Variants in SBF2 observed in about 807,000 individuals in gnomAD.
SBF2 encodes SET binding factor 2, also known as myotubularin-related protein 13.
A neutral mutation model predicts 225.2 loss-of-function variants in SBF2; 112 were observed. The observed-to-expected ratio is 0.50, with a 90% CI of 0.43 to 0.58. The LOEUF (loss-of-function observed/expected upper bound fraction) is 0.58, where lower values mean the gene tolerates loss of function less well. SBF2 is among the 20% of genes least tolerant of loss of function. The probability of loss-of-function intolerance (pLI) is 0.00; values close to 1 mark genes in which losing one functional copy is unlikely to be tolerated. For synonymous variants in SBF2, 763 were observed against 773.3 expected (o/e 0.99, Z 0.22); for missense variants, 1,996 against 2,206.2 (o/e 0.90, Z 1.91).
chr11:9,903,846 C>T (rs1254580410), intron 16 of SBF2, among the ~76,000 whole-genome samples: 1 of 152,070 alleles, frequency 6.6e-6, no homozygotes, highest in Non-Finnish European at 1.5e-5. Context: ...GGGTGGTGTG[C>T]CCCTGGGAGG....
At chr11:9,807,600 G>A (rs1853925152) in intron 32 of SBF2, among the ~76,000 whole-genome samples, 1 of 152,172 alleles carries the variant, frequency 6.6e-6, no homozygotes, top group Admixed American at 6.5e-5. Flanking sequence ...TTTCTCCAGG[G>A]GTTAGGCTTT....
At chr11:10,289,769 A>T (rs1418222272) in intron 1 of SBF2, among the ~76,000 whole-genome samples, 1 of 152,082 alleles carries the variant, frequency 6.6e-6, no homozygotes, top group Non-Finnish European at 1.5e-5. Flanking sequence ...CACTGCTCCC[A>T]CTTCCGGCCC....
At chr11:10,099,302 G>C (rs1284353310) in intron 2 of SBF2, among the ~76,000 whole-genome samples, 1 of 151,952 alleles carries the variant, frequency 6.6e-6, no homozygotes, top group African/African-American at 2.4e-5. Flanking sequence ...CAGAAGAAAG[G>C]GATAATATAT....
intron 1 of SBF2, among the ~76,000 whole-genome samples, chr11:10,292,575 G>A: frequency 1.3e-5 from 2 of 151,694 alleles, no homozygotes; most frequent in East Asian, 3.9e-4. Context: ...AGCTACTCCG[G>A]AGGCTGAGGC....
In SBF2 at chr11:10,246,433, G is replaced by A. The variant is rs116881497; in HGVS notation, c.55+47582C>T. ...CGAGTAGCTGGGGTTACAAGCGTTT[G>A]CCACCATGCCCAGCTAATTTTGGTA... On this transcript the variant is annotated intron_variant, in intron 1 of 39. Coordinates refer to ENST00000256190, the MANE Select transcript of SBF2 (RefSeq NM_030962.4). Among the ~76,000 whole-genome samples the A allele has an allele frequency of 1.1e-3, 160 of 152,228 alleles. 1 individual carries two copies. Among genetic ancestry groups the A allele is most frequent in the Non-Finnish European group, 1.7e-3 (119 of 68,002 alleles).
At chr11:10,177,719 C>T (rs1463160981) in intron 2 of SBF2, among the ~76,000 whole-genome samples, 18 of 151,818 alleles carry the variant, frequency 1.2e-4, no homozygotes, top group African/African-American at 4.1e-4. Flanking sequence ...AAGAACATTC[C>T]ATGCTCATGG....
At chr11:10,055,852 T>C (rs1472679123) in intron 2 of SBF2, among the ~76,000 whole-genome samples, 1 of 152,138 alleles carries the variant, frequency 6.6e-6, no homozygotes, top group East Asian at 1.9e-4. Flanking sequence ...GTAATGGGTA[T>C]ACTAAAATCC....
At position 10,228,656 on chromosome 11, in the gene SBF2, C is replaced by T. The variant is rs567003209; in HGVS notation, c.56-34669G>A. Among the ~76,000 whole-genome samples, 162 of 152,270 alleles carry T rather than the reference C, an allele frequency of 1.1e-3. 1 individual carries two copies. The highest frequency in any genetic ancestry group is 5.6e-3 in the South Asian group (27 of 4,820). ...TTGGCATGTTGAACCAGCCTTGTAT[C>T]CCAGGGATGTAGCCCACTTGATCGT... is the stretch of plus-strand genomic sequence containing the variant. On this transcript the variant is annotated intron_variant, in intron 1 of 39. Coordinates refer to ENST00000256190, the MANE Select transcript of SBF2 (RefSeq NM_030962.4).
At chr11:10,083,955 C>T (rs185835338) in intron 2 of SBF2, among the ~76,000 whole-genome samples, 306 of 152,258 alleles carry the variant, frequency 2.0e-3, no homozygotes, top group African/African-American at 6.6e-3. Flanking sequence ...GCCCAGGCAA[C>T]ACAGGGAGAC....
At chr11:10,209,222 T>C (rs1957847556) in intron 1 of SBF2, among the ~76,000 whole-genome samples, 1 of 152,052 alleles carries the variant, frequency 6.6e-6, no homozygotes, top group South Asian at 2.1e-4. Context: ...GCCTTTCTCA[T>C]TACACAAATA....
chr11:9,839,489 C>T lies in SBF2; in HGVS notation c.3455+9G>A, dbSNP rs372886234. ...AAGACCTCTTTTTGGAGCCCACTGA[C>T]ACACTTACCTCCGGCAGAGTGAATA... On this transcript the variant is annotated intron_variant, in intron 26 of 39. Coordinates refer to ENST00000256190, the MANE Select transcript of SBF2 (RefSeq NM_030962.4). 14 of 1,613,680 alleles carry T rather than the reference C, an allele frequency of 8.7e-6. No homozygotes were observed. The African/African-American group carries it at 1.6e-4, about 18-fold the overall frequency.
intron 1 of SBF2, among the ~76,000 whole-genome samples, chr11:10,286,155 A>T: frequency 8.0e-6 from 1 of 124,926 alleles, no homozygotes; most frequent in Admixed American, 8.1e-5. Flanking sequence ...TCTTCACATA[A>T]ACACGCACAC....
In SBF2 at chr11:10,183,516, TAA is replaced by T. The variant is rs1387727845; in HGVS notation, c.141+10384_141+10385del. Among the ~76,000 whole-genome samples the T allele has an allele frequency of 6.6e-5, 10 of 152,356 alleles. No homozygotes were observed. The East Asian group carries it at 1.9e-3, about 29-fold the overall frequency. ...GGCTTAACTAAAGGTCTCAAAATCC[TAA>T]GTTTTCTTTTAAAAACTTTATAGTG... On this transcript the variant is annotated intron_variant, in intron 2 of 39. Transcript: ENST00000256190.
chr11:10,028,581 C>T, intron 5 of SBF2, 24 bp from the exon 6 acceptor site: 1 of 1,227,292 alleles, frequency 8.1e-7, no homozygotes. Context: ...GAAACACAAA[C>T]ACACACACAC....
intron 2 of SBF2, among the ~76,000 whole-genome samples, chr11:10,092,590 C>T (rs530297928): frequency 1.3e-4 from 20 of 152,276 alleles, no homozygotes; most frequent in African/African-American, 4.3e-4. Context: ...GATCTGTTTT[C>T]GCTAACATTC....
chr11:10,022,448 T>TA (rs1204095280), intron 6 of SBF2, among the ~76,000 whole-genome samples: 5 of 152,050 alleles, frequency 3.3e-5, no homozygotes, highest in Non-Finnish European at 2.9e-5. Context: ...TTTTACAAGT[T>TA]AAAAAAATCT....
At chr11:9,975,792 C>A (rs995834692) in intron 13 of SBF2, among the ~76,000 whole-genome samples, 1 of 152,042 alleles carries the variant, frequency 6.6e-6, no homozygotes, top group Non-Finnish European at 1.5e-5. Context: ...AAGGTAATCA[C>A]AATATTTTAC....
At chr11:9,822,540 G>A (rs1318895352) in intron 28 of SBF2, among the ~76,000 whole-genome samples, 2 of 152,158 alleles carry the variant, frequency 1.3e-5, no homozygotes. Flanking sequence ...GATTACAGGC[G>A]TGAGCCACCG....
At chr11:10,208,023 G>A (rs1439829002) in intron 1 of SBF2, among the ~76,000 whole-genome samples, 3 of 152,012 alleles carry the variant, frequency 2.0e-5, no homozygotes, top group African/African-American at 4.8e-5. Flanking sequence ...ACTAATCTAA[G>A]AAAGTCCTCA....
Sources: gnomAD v4.1 joint callset for allele counts (sites outside exome capture counted in the v4.1 genomes callset) on GRCh38, gnomAD v4.1.1 for gene constraint, MANE v1.5 for transcripts, NCBI Gene and HGNC (gene_info 2026-07-23, HGNC 2026-07-21) for gene names.